Variants in ERBB4 observed in about 807,000 individuals in gnomAD.
ERBB4 encodes erb-b2 receptor tyrosine kinase 4, also known as receptor tyrosine-protein kinase erbB-4.
ERBB4 carries 42 observed loss-of-function variants against 158.0 expected under a neutral mutation model. That is an observed-to-expected ratio of 0.27 (90% confidence interval 0.21 to 0.34). The LOEUF (loss-of-function observed/expected upper bound fraction) is 0.34, where lower values mean the gene tolerates loss of function less well. ERBB4 is among the 10% of genes least tolerant of loss of function. The pLI, the probability that ERBB4 is intolerant of heterozygous loss-of-function variation, is 1.00. For missense variants in ERBB4, 1,333 were observed against 1,624.1 expected (o/e 0.82, Z 3.08); for synonymous variants, 583 against 558.7 (o/e 1.04, Z -0.61).
At chr2:211,990,033 AAGTT>A (rs2082032216) in intron 2 of ERBB4, among the ~76,000 whole-genome samples, 1 of 151,330 alleles carries the variant, frequency 6.6e-6, no homozygotes, top group Non-Finnish European at 1.5e-5. Context: ...AAGTATAACT[AAGTT>A]AGGAATGAAA....
chr2:211,869,375 A>C (rs192091431), intron 3 of ERBB4, among the ~76,000 whole-genome samples: 1 of 152,194 alleles, frequency 6.6e-6, no homozygotes, highest in Admixed American at 6.5e-5. Context: ...ATGCCTGTAC[A>C]TCACTGTATG....
intron 1 of ERBB4, among the ~76,000 whole-genome samples, chr2:212,247,106 C>A (rs2084337042): frequency 6.6e-6 from 1 of 151,934 alleles, no homozygotes; most frequent in Admixed American, 6.6e-5. Flanking sequence ...CAAGAGAAGG[C>A]AAAATAAAGT....
chr2:212,143,104 A>G (rs2080541049), intron 1 of ERBB4, among the ~76,000 whole-genome samples: 1 of 152,144 alleles, frequency 6.6e-6, no homozygotes, highest in African/African-American at 2.4e-5. Context: ...TACATATTTC[A>G]AGTCATATTT....
At chr2:211,918,638 A>ACT (rs2079768502) in intron 3 of ERBB4, among the ~76,000 whole-genome samples, 4 of 152,258 alleles carry the variant, frequency 2.6e-5, no homozygotes, top group Admixed American at 2.6e-4. Context: ...ACCTAGTAGG[A>ACT]GTGTATTTCC....
At chr2:211,397,136 A>C (rs764605053) in intron 25 of ERBB4, among the ~76,000 whole-genome samples, 2 of 152,146 alleles carry the variant, frequency 1.3e-5, no homozygotes, top group Non-Finnish European at 2.9e-5. Flanking sequence ...CCAAGAGAAA[A>C]TAGCCCTCCC....
chr2:212,470,505 GGAA>G, intron 1 of ERBB4, among the ~76,000 whole-genome samples: 2 of 152,182 alleles, frequency 1.3e-5, no homozygotes, highest in Admixed American at 1.3e-4. Flanking sequence ...TGGAATTAAG[GGAA>G]GAAGAGAACC....
At chr2:212,218,441 G>A (rs1013287539) in intron 1 of ERBB4, among the ~76,000 whole-genome samples, 2 of 151,184 alleles carry the variant, frequency 1.3e-5, no homozygotes, top group Non-Finnish European at 3.0e-5. Context: ...TTGTTTGTTT[G>A]CATCCTTGCT....
chr2:211,817,826 CACATGACAGCAACATTCAAGGGGAT>C (rs994623412), intron 3 of ERBB4, among the ~76,000 whole-genome samples: 2 of 152,074 alleles, frequency 1.3e-5, no homozygotes, highest in African/African-American at 2.4e-5. Flanking sequence ...TTCAATTGTA[CACATGACAGCAACATTCAAGGGGAT>C]GGAAAGAATT....
At chr2:212,308,233 C>A (rs962093026) in intron 1 of ERBB4, among the ~76,000 whole-genome samples, 1 of 151,102 alleles carries the variant, frequency 6.6e-6, no homozygotes, top group Non-Finnish European at 1.5e-5. Context: ...TTAATATGGA[C>A]CTCATTTTTC....
intron 16 of ERBB4, among the ~76,000 whole-genome samples, chr2:211,636,051 A>T (rs2070346712): frequency 6.6e-6 from 1 of 152,000 alleles, no homozygotes; most frequent in South Asian, 2.1e-4. Flanking sequence ...TCAGATGTAG[A>T]CCTGCTTCAC....
At chr2:211,673,513 ATCT>A in intron 13 of ERBB4, among the ~76,000 whole-genome samples, 1 of 148,208 alleles carries the variant, frequency 6.7e-6, no homozygotes, top group South Asian at 2.1e-4. Context: ...TATTCCAGCA[ATCT>A]CAAAAAAAAA....
intron 2 of ERBB4, among the ~76,000 whole-genome samples, chr2:211,989,106 T>C (rs1380468799): frequency 1.3e-5 from 2 of 151,964 alleles, no homozygotes; most frequent in Non-Finnish European, 2.9e-5. Flanking sequence ...TCTTTCTCTG[T>C]TTTTTGAATG....
At chr2:212,055,494 T>G (rs2125406211) in intron 2 of ERBB4, among the ~76,000 whole-genome samples, 1 of 152,364 alleles carries the variant, frequency 6.6e-6, no homozygotes, top group African/African-American at 2.4e-5. Context: ...AGTGGGTACC[T>G]GACCCCCGAG....
chr2:212,090,633 T>C (rs2078746629), intron 2 of ERBB4, among the ~76,000 whole-genome samples: 1 of 152,136 alleles, frequency 6.6e-6, no homozygotes, highest in Admixed American at 6.6e-5. Context: ...AGATGCATAT[T>C]ATAATCATAT....
At chr2:212,026,389 T>C (rs1017738087) in intron 2 of ERBB4, among the ~76,000 whole-genome samples, 4 of 151,748 alleles carry the variant, frequency 2.6e-5, no homozygotes, top group Admixed American at 2.6e-4. Context: ...GAGCTCACAA[T>C]ATAATATTTT....
At chr2:212,211,670 T>C (rs574470883) in intron 1 of ERBB4, among the ~76,000 whole-genome samples, 2 of 151,442 alleles carry the variant, frequency 1.3e-5, no homozygotes, top group Non-Finnish European at 1.5e-5. Context: ...TACATAGGTA[T>C]ATGTGTGCCA....
intron 3 of ERBB4, among the ~76,000 whole-genome samples, chr2:211,909,512 T>C (rs77087484): frequency 0.014 from 2,171 of 151,878 alleles, 68 homozygotes; most frequent in African/African-American, 0.049. Flanking sequence ...ATCCGTACAT[T>C]ATGGTATTGT....
chr2:211,955,730 G>A (rs1046540417), intron 2 of ERBB4, among the ~76,000 whole-genome samples: 9 of 152,118 alleles, frequency 5.9e-5, no homozygotes, highest in East Asian at 1.9e-4. Context: ...CAAATGCCAC[G>A]CTGTAACAAT....
intron 19 of ERBB4, among the ~76,000 whole-genome samples, chr2:211,617,738 TA>T (rs1299870221): frequency 6.6e-6 from 1 of 152,082 alleles, no homozygotes; most frequent in Non-Finnish European, 1.5e-5. Context: ...GTAAAACTTG[TA>T]AAGGAGCTTA....
Sources: allele counts gnomAD v4.1 joint callset (sites outside exome capture counted in the v4.1 genomes callset), GRCh38; gene constraint gnomAD v4.1.1; transcripts MANE v1.5; gene names NCBI Gene and HGNC (gene_info 2026-07-23, HGNC 2026-07-21).